The following ZNF385D variants were observed in gnomAD, a reference collection of about 807,000 sequenced individuals.
The protein encoded by ZNF385D is zinc finger protein 659.
A neutral mutation model predicts 35.8 loss-of-function variants in ZNF385D; 15 were observed. The ratio of observed to expected loss-of-function variants is 0.42; its 90% confidence interval spans 0.28 to 0.64. The LOEUF (loss-of-function observed/expected upper bound fraction) is 0.64, where lower values mean the gene tolerates loss of function less well. Among genes scored for constraint, ZNF385D ranks in the 30% least tolerant of loss-of-function variants. The pLI is 0.23. For synonymous variants in ZNF385D, 212 were observed against 186.8 expected, an observed-to-expected ratio of 1.13 and a Z score of -1.10; for missense variants, 474 against 494.6, an observed-to-expected ratio of 0.96 and a Z score of 0.39.
At chr3:21,580,462 A>G (rs1443058511) in intron 2 of ZNF385D, among the ~76,000 whole-genome samples, 1 of 152,232 alleles carries the variant, frequency 6.6e-6, no homozygotes, top group Admixed American at 6.5e-5. Flanking sequence ...GGTAAGAACC[A>G]TATAAATGAT....
At chr3:21,668,387 C>T (rs1384251419) in intron 1 of ZNF385D, among the ~76,000 whole-genome samples, 1 of 152,158 alleles carries the variant, frequency 6.6e-6, no homozygotes, top group Non-Finnish European at 1.5e-5. Context: ...GAGGCCTCTG[C>T]TGTGACTACA....
At chr3:22,128,783 AT>A (rs1559390780) in intron 3 of ZNF385D, among the ~76,000 whole-genome samples, 3 of 152,132 alleles carry the variant, frequency 2.0e-5, no homozygotes, top group Admixed American at 2.0e-4. Context: ...TTTATATAAG[AT>A]TTTGAATTCC....
At position 21,465,899 on chromosome 3, in the gene ZNF385D, C is replaced by T. The variant is rs1480652294; in HGVS notation, c.440-28696G>A. 2.0e-5 allele frequency among the ~76,000 whole-genome samples: 3 copies of T among 152,184 alleles called. No individual in the cohort carries two copies. The highest frequency in any genetic ancestry group is 2.9e-5 in the Non-Finnish European group (2 of 68,038). ...TCCATCACACCTCAGGATACAGGAGCTGCCGTGAGCACAAATAGAGATGCT... is the reference window on the plus strand; with the variant it reads ...TCCATCACACCTCAGGATACAGGAGTTGCCGTGAGCACAAATAGAGATGCT... On this transcript the variant is annotated intron_variant, in intron 4 of 7. Transcript: ENST00000281523. This position sits in a 1 kb window ranked among gnomAD's most constrained non-coding sequence, Gnocchi z 4.2.
intron 3 of ZNF385D, among the ~76,000 whole-genome samples, chr3:21,928,329 A>G (rs1425845976): frequency 7.4e-6 from 1 of 135,180 alleles, no homozygotes; most frequent in Admixed American, 7.4e-5. Context: ...GGAAGGAAGG[A>G]AGGAGGGAGG....
chr3:21,711,867 T>C (rs938435542), intron 1 of ZNF385D, among the ~76,000 whole-genome samples: 1 of 152,178 alleles, frequency 6.6e-6, no homozygotes, highest in South Asian at 2.1e-4. Context: ...TGCATATCAT[T>C]AGGTGTGACA....
intron 2 of ZNF385D, among the ~76,000 whole-genome samples, chr3:21,658,405 C>T (rs1208861604): frequency 1.3e-5 from 2 of 151,960 alleles, no homozygotes; most frequent in African/African-American, 2.4e-5. Context: ...TTAATAATTT[C>T]TGTTAGATGT....
At chr3:21,501,231 G>T (rs1303233157) in intron 4 of ZNF385D, among the ~76,000 whole-genome samples, 1 of 152,124 alleles carries the variant, frequency 6.6e-6, no homozygotes, top group Non-Finnish European at 1.5e-5. Flanking sequence ...GTACGGGACA[G>T]CTTCTTCCTT....
chr3:21,982,985 G>C (rs1209984337), intron 3 of ZNF385D, among the ~76,000 whole-genome samples: 3 of 151,982 alleles, frequency 2.0e-5, no homozygotes, highest in Admixed American at 6.5e-5. Flanking sequence ...TGCTGAATTT[G>C]GTTTGCGAGT....
chr3:21,695,517 A>T (rs983038972), intron 1 of ZNF385D, among the ~76,000 whole-genome samples: 3 of 152,178 alleles, frequency 2.0e-5, no homozygotes, highest in African/African-American at 4.8e-5. Context: ...TTATAGCCTA[A>T]GTGGAACTGA....
At chr3:22,049,925 T>A (rs755877296) in intron 3 of ZNF385D, among the ~76,000 whole-genome samples, 1 of 152,214 alleles carries the variant, frequency 6.6e-6, no homozygotes, top group Non-Finnish European at 1.5e-5. Flanking sequence ...GAATTTTGCA[T>A]CTATGTTTAT....
Position 21,506,972 on chromosome 3 carries a change from G to T in ZNF385D, c.439+3889C>A, listed in dbSNP as rs568804614. Among the ~76,000 whole-genome samples, 836 of 137,164 alleles carry T rather than the reference G, an allele frequency of 6.1e-3. 3 individuals are homozygous for T. The highest frequency in any genetic ancestry group is 0.015 in the Middle Eastern group (4 of 262). 90.0% of individuals were successfully genotyped at this position (137,164 alleles called of 152,430 possible). A position where few individuals can be genotyped will look rare whatever the true frequency, so the allele number is the denominator to read the frequency against. ...GCAGACTGGCATAATTAGAGAAAAA[G>T]GCAACACAAAAACCCAAGATCATAA... On this transcript the variant is annotated intron_variant, in intron 4 of 7. Coordinates refer to ENST00000281523, the MANE Select transcript of ZNF385D (RefSeq NM_024697.3).
At chr3:22,133,169 A>G (rs887382437) in intron 3 of ZNF385D, among the ~76,000 whole-genome samples, 1 of 152,184 alleles carries the variant, frequency 6.6e-6, no homozygotes, top group Non-Finnish European at 1.5e-5. Context: ...CCCTTCCTGG[A>G]GATATAAACA....
chr3:21,435,255 ATTTTTT>A (rs3064965), intron 5 of ZNF385D, among the ~76,000 whole-genome samples: 4 of 113,420 alleles, frequency 3.5e-5, no homozygotes, highest in African/African-American at 6.9e-5. Context: ...ACAACTCCCA[ATTTTTT>A]TTTTTTTTTT....
rs572125670 is a variant in ZNF385D, at chr3:21,707,313, G to A, written c.23-42285C>T. Among the ~76,000 whole-genome samples the A allele has an allele frequency of 2.6e-5, 4 of 152,270 alleles. No individual in the cohort carries two copies. The South Asian group carries it at 8.3e-4, about 32-fold the overall frequency. On this transcript the variant is annotated intron_variant, in intron 1 of 7. Transcript: ENST00000281523. ...CTTGATTTACTATAAATTGTGCACA[G>A]GTGTGGGATTGTTTACAGTCCTTTG...
intron 2 of ZNF385D, among the ~76,000 whole-genome samples, chr3:21,645,972 G>T (rs1349716437): frequency 6.6e-6 from 1 of 152,064 alleles, no homozygotes; most frequent in African/African-American, 2.4e-5. Flanking sequence ...TCAAAATGCA[G>T]CAAATTCCAA....
intron 2 of ZNF385D, among the ~76,000 whole-genome samples, chr3:21,638,573 T>C (rs2065514223): frequency 6.6e-6 from 1 of 152,080 alleles, no homozygotes; most frequent in Non-Finnish European, 1.5e-5. Flanking sequence ...TGATATGACA[T>C]CTGTCATAAA....
chr3:21,487,086 T>G (rs997186599), intron 4 of ZNF385D, among the ~76,000 whole-genome samples: 1 of 152,132 alleles, frequency 6.6e-6, no homozygotes, highest in African/African-American at 2.4e-5. Flanking sequence ...CTCTGTATTT[T>G]TCACTGATTA....
At chr3:22,227,523 T>A (rs1290945687) in intron 2 of ZNF385D, among the ~76,000 whole-genome samples, 1 of 152,136 alleles carries the variant, frequency 6.6e-6, no homozygotes, top group Non-Finnish European at 1.5e-5. Flanking sequence ...TGTCTTGGCT[T>A]CAATCATGAA....
At chr3:22,211,661 G>A (rs1396523927) in intron 2 of ZNF385D, among the ~76,000 whole-genome samples, 2 of 151,990 alleles carry the variant, frequency 1.3e-5, no homozygotes, top group Non-Finnish European at 2.9e-5. Context: ...GAAAGAAACA[G>A]AGAGAAAGAC....
Sources: allele counts gnomAD v4.1 joint callset (sites outside exome capture counted in the v4.1 genomes callset), GRCh38; gene constraint gnomAD v4.1.1; non-coding constraint Gnocchi (gnomAD v3.1); transcripts MANE v1.5; gene names NCBI Gene and HGNC (gene_info 2026-07-23, HGNC 2026-07-21).